MED26: variants seen among roughly 807,000 people sequenced by gnomAD.
MED26 encodes the protein mediator complex subunit 26.
A neutral mutation model predicts 43.7 loss-of-function variants in MED26; 7 were observed. The observed-to-expected ratio is 0.16, with a 90% confidence interval of 0.09 to 0.30. The LOEUF (loss-of-function observed/expected upper bound fraction) is 0.30, where lower values mean the gene tolerates loss of function less well. Among genes scored for constraint, MED26 ranks in the 10% least tolerant of loss-of-function variants. The probability of loss-of-function intolerance (pLI) is 1.00; values close to 1 mark genes in which losing one functional copy is unlikely to be tolerated. For missense variants in MED26, 784 were observed against 840.6 expected (o/e 0.93, Z 0.83); for synonymous variants, 375 against 371.1 (o/e 1.01, Z -0.12).
At chr19:16,581,752 T>G (rs1239336293) in intron 1 of MED26, among the ~76,000 whole-genome samples, 2 of 152,204 alleles carry the variant, frequency 1.3e-5, no homozygotes, top group East Asian at 1.9e-4. Flanking sequence ...GGCGAAGGTG[T>G]GAGGGCCCTG....
intron 1 of MED26, chr19:16,597,506 C>A (rs753346366): frequency 5.0e-5 from 20 of 398,510 alleles, no homozygotes; most frequent in Non-Finnish European, 7.5e-5. Context: ...CCAAGACAAT[C>A]ATGCCTGGGT....
chr19:16,617,921 C>T (rs780735321), intron 1 of MED26, among the ~76,000 whole-genome samples: 12 of 152,178 alleles, frequency 7.9e-5, no homozygotes, highest in Admixed American at 4.6e-4. Context: ...GTTTCCGTCA[C>T]GGCCAGGCAA....
rs144513962 is a variant in MED26 at position 16,576,693 on chromosome 19, C to T, written c.1137G>A (p.Ala379=). ...RAGFSPDSSK[A]DSDAASSGGS... ...CCCCTGAGGAGGCAGCATCACTGTC[C>T]GCCTTGGAGGAGTCTGGGGAAAAGC... Residue 379 remains alanine (A), a synonymous_variant, in exon 3 of 3, where the codon GCG becomes GCA. Transcript: ENST00000263390. The surrounding 1 kb of genome is among the most constrained non-coding windows in gnomAD (Gnocchi z 6.8). The T allele has an allele frequency of 1.2e-3, 1,920 of 1,613,654 alleles. 1 individual carries two copies. The highest frequency in any genetic ancestry group is 1.5e-3 in the Non-Finnish European group (1,721 of 1,180,026).
chr19:16,612,912 G>T (rs192178781), intron 1 of MED26, among the ~76,000 whole-genome samples: 6 of 152,304 alleles, frequency 3.9e-5, no homozygotes, highest in Admixed American at 3.9e-4. Context: ...CTAAAGGAAA[G>T]ACTACCCTTG....
At chr19:16,578,460 G>T in intron 1 of MED26, 51 bp from the exon 2 acceptor site, 2 of 1,556,204 alleles carry the variant, frequency 1.3e-6, no homozygotes, top group Non-Finnish European at 8.9e-7. Context: ...TCCACTGGGA[G>T]GCTGGAACAC....
At chr19:16,594,974 G>A (rs954270161) in intron 1 of MED26, among the ~76,000 whole-genome samples, 3 of 152,130 alleles carry the variant, frequency 2.0e-5, no homozygotes, top group Non-Finnish European at 4.4e-5. Context: ...GCAGTTCCTC[G>A]AATCCAGGGC....
intron 1 of MED26, among the ~76,000 whole-genome samples, chr19:16,617,749 C>T (rs1243527941): frequency 1.3e-5 from 2 of 152,344 alleles, no homozygotes; most frequent in Middle Eastern, 3.4e-3. Flanking sequence ...AGAAGACAGG[C>T]TCCTCATTCA....
At chr19:16,626,611 T>C (rs2086277062) in intron 1 of MED26, among the ~76,000 whole-genome samples, 1 of 152,158 alleles carries the variant, frequency 6.6e-6, no homozygotes, top group Non-Finnish European at 1.5e-5. Flanking sequence ...CAATGTGAAT[T>C]ATTCCCAAAA....
chr19:16,604,357 AGGGACAG>A (rs1167604477), intron 1 of MED26, among the ~76,000 whole-genome samples: 3 of 152,260 alleles, frequency 2.0e-5, no homozygotes, highest in Non-Finnish European at 1.5e-5. Flanking sequence ...GAACTGCATC[AGGGACAG>A]GGGTCAAAGG....
At chr19:16,615,097 A>C (rs1463590333) in intron 1 of MED26, among the ~76,000 whole-genome samples, 1 of 152,178 alleles carries the variant, frequency 6.6e-6, no homozygotes, top group Non-Finnish European at 1.5e-5. Context: ...GGTGGGGGAA[A>C]TGACAGGCAA....
chr19:16,602,702 A>G (rs143868629), intron 1 of MED26, among the ~76,000 whole-genome samples: 85 of 152,370 alleles, frequency 5.6e-4, no homozygotes, highest in African/African-American at 2.0e-3. Context: ...GCAACAACAC[A>G]GATGAAGACT....
intron 1 of MED26, among the ~76,000 whole-genome samples, chr19:16,581,350 CTG>C (rs1240951448): frequency 7.2e-5 from 11 of 152,214 alleles, no homozygotes; most frequent in African/African-American, 2.2e-4. Flanking sequence ...CAGGGGAAGA[CTG>C]TGCGATGAGG....
chr19:16,615,951 A>G (rs955760432), intron 1 of MED26, among the ~76,000 whole-genome samples: 1 of 152,192 alleles, frequency 6.6e-6, no homozygotes, highest in African/African-American at 2.4e-5. Flanking sequence ...CAACTTTCAC[A>G]GGCTCTGATT....
Position 16,615,753 on chromosome 19 carries a change from GAA to G in MED26, c.72+12117_72+12118del, listed in dbSNP as rs34085264. ...AGAGCAAGACTCCATCTCTGGGGGA[GAA>G]AAAAAAAAAAAAAGTTTAGGACAGG... is the stretch of plus-strand genomic sequence containing the variant. On this transcript the variant is annotated intron_variant, in intron 1 of 2. Coordinates refer to ENST00000263390, the MANE Select transcript of MED26 (RefSeq NM_004831.5). 1.2e-3 allele frequency among the ~76,000 whole-genome samples: 159 copies of G among 134,666 alleles called. 1 individual carries two copies. Among genetic ancestry groups the G allele is most frequent in the African/African-American group, 3.9e-3 (141 of 36,266 alleles). The allele number at this position is 134,666 out of a possible 152,430, so 88.3% of individuals were successfully genotyped here. A position where few individuals can be genotyped will look rare whatever the true frequency, so the allele number is the denominator to read the frequency against.
intron 1 of MED26, among the ~76,000 whole-genome samples, chr19:16,606,265 A>T (rs992055362): frequency 1.3e-5 from 2 of 152,214 alleles, no homozygotes; most frequent in Non-Finnish European, 2.9e-5. Flanking sequence ...TGAAGACACA[A>T]TGGGGCCGGG....
chr19:16,619,824 G>A (rs1441766814), intron 1 of MED26, among the ~76,000 whole-genome samples: 2 of 152,224 alleles, frequency 1.3e-5, no homozygotes, highest in Non-Finnish European at 2.9e-5. Flanking sequence ...CCACGAGGCT[G>A]ACCCACCACC....
At chr19:16,596,625 G>A (rs1024153148) in intron 1 of MED26, among the ~76,000 whole-genome samples, 1 of 152,212 alleles carries the variant, frequency 6.6e-6, no homozygotes, top group South Asian at 2.1e-4. Context: ...TCAGGAACAT[G>A]CTGGCACAGG....
At position 16,619,030 on chromosome 19, in the gene MED26, C is replaced by G. The variant is rs571533343; in HGVS notation, c.72+8842G>C. Among the ~76,000 whole-genome samples, 9 of 152,334 alleles carry G rather than the reference C, an allele frequency of 5.9e-5. No homozygotes were observed. In the East Asian group the frequency reaches 1.7e-3, roughly 29 times the overall value. ...TTTGGGCCTGCATGACCATCAGCCC[C>G]TTTGTGTCTAAGCTCCTGCCACCAG... On this transcript the variant is annotated intron_variant, in intron 1 of 2. Transcript: ENST00000263390.
intron 1 of MED26, chr19:16,588,781 T>TGA (rs1035926587): frequency 1.3e-5 from 2 of 152,292 alleles, no homozygotes; most frequent in African/African-American, 4.8e-5. Flanking sequence ...AGAGGCCCAT[T>TGA]GAGAGAGGAA....
Sources: gnomAD v4.1 joint callset for allele counts (sites outside exome capture counted in the v4.1 genomes callset) on GRCh38, gnomAD v4.1.1 for gene constraint, Gnocchi (gnomAD v3.1) non-coding constraint, MANE v1.5 for transcripts, NCBI Gene and HGNC (gene_info 2026-07-23, HGNC 2026-07-21) for gene names.